The following PTPN9 variants were observed in gnomAD, a reference collection of about 807,000 sequenced individuals.
PTPN9 encodes the protein protein tyrosine phosphatase non-receptor type 9.
Under a neutral mutation model 69.8 loss-of-function variants are expected in PTPN9, and 26 were observed. The observed-to-expected ratio is 0.37, with a 90% CI of 0.27 to 0.52. The LOEUF is 0.52. Among genes scored for constraint, PTPN9 ranks in the 20% least tolerant of loss-of-function variants. The pLI, the probability that PTPN9 is intolerant of heterozygous loss-of-function variation, is 0.91. For missense variants in PTPN9, 549 were observed against 740.3 expected, an observed-to-expected ratio of 0.74 and a Z score of 3.00; for synonymous variants, 274 against 272.5, an observed-to-expected ratio of 1.01 and a Z score of -0.05.
chr15:75,571,480 G>A (rs2075148163), intron 1 of PTPN9, among the ~76,000 whole-genome samples: 1 of 152,130 alleles, frequency 6.6e-6, no homozygotes, highest in Admixed American at 6.6e-5. Context: ...TTTTCAGGCT[G>A]GGCGTGGTGG....
At chr15:75,504,807 C>A (rs1595955764) in intron 7 of PTPN9, among the ~76,000 whole-genome samples, 1 of 138,684 alleles carries the variant, frequency 7.2e-6, no homozygotes. Flanking sequence ...GTGGGGGGGT[C>A]AGCCCCCCGC....
chr15:75,468,370 G>A lies in PTPN9; in HGVS notation c.*399C>T, dbSNP rs2074546304. On this transcript the variant is annotated 3_prime_UTR_variant, in exon 13 of 13. Coordinates refer to ENST00000618819, the MANE Select transcript of PTPN9 (RefSeq NM_002833.4). ...AAGCTCTCTGGGGAGAAAGGCAAAT[G>A]CTCATCAAACCTCCCCATAAAATCC... 5.6e-6 allele frequency: 1 copy of A among 177,296 alleles called. No individual in the cohort carries two copies. The highest frequency in any genetic ancestry group is 1.4e-4 in the South Asian group (1 of 7,222). 11.0% of individuals were successfully genotyped at this position (177,296 alleles called of 1,614,324 possible). A position where few individuals can be genotyped will look rare whatever the true frequency, so the allele number is the denominator to read the frequency against.
At chr15:75,539,085 C>A (rs1048467046) in intron 1 of PTPN9, among the ~76,000 whole-genome samples, 1 of 152,044 alleles carries the variant, frequency 6.6e-6, no homozygotes, top group African/African-American at 2.4e-5. Flanking sequence ...CTATAAGCAA[C>A]CTTTAAAAAA....
chr15:75,563,681 G>C (rs4886716), intron 1 of PTPN9, among the ~76,000 whole-genome samples: 49,829 of 151,868 alleles, frequency 0.33, 9,148 homozygotes, highest in African/African-American at 0.48. Context: ...AACATATTTT[G>C]AACCCTCCAA....
intron 1 of PTPN9, among the ~76,000 whole-genome samples, chr15:75,575,035 G>A (rs1337219488): frequency 6.1e-5 from 1 of 16,276 alleles, no homozygotes; most frequent in Non-Finnish European, 9.6e-5. Flanking sequence ...CTCTGTCGGC[G>A]GGATCTCGGC....
At chr15:75,503,253 A>C (rs2074784752) in intron 7 of PTPN9, among the ~76,000 whole-genome samples, 2 of 132,300 alleles carry the variant, frequency 1.5e-5, no homozygotes, top group South Asian at 2.6e-4. Flanking sequence ...CCGGCCGCCC[A>C]TCGTCTGAGA....
intron 9 of PTPN9, among the ~76,000 whole-genome samples, chr15:75,477,452 A>T (rs1394291013): frequency 6.6e-6 from 1 of 152,066 alleles, no homozygotes; most frequent in African/African-American, 2.4e-5. Flanking sequence ...AAAATTAGCC[A>T]GGCATGGTGG....
chr15:75,571,135 C>G (rs1197245626), intron 1 of PTPN9, among the ~76,000 whole-genome samples: 1 of 151,934 alleles, frequency 6.6e-6, no homozygotes, highest in East Asian at 1.9e-4. Flanking sequence ...TGGCGGGCAC[C>G]TGTAATCCCA....
intron 1 of PTPN9, among the ~76,000 whole-genome samples, chr15:75,543,263 G>A (rs544179003): frequency 6.6e-6 from 1 of 151,986 alleles, no homozygotes; most frequent in Non-Finnish European, 1.5e-5. Context: ...GCAAAGTCCT[G>A]CAAGAAATCA....
intron 8 of PTPN9, among the ~76,000 whole-genome samples, 186 bp from the exon 9 acceptor site, chr15:75,480,100 C>T (rs1436846565): frequency 6.6e-6 from 1 of 152,034 alleles, no homozygotes; most frequent in Non-Finnish European, 1.5e-5. Flanking sequence ...TAGATATCTA[C>T]ATGCATAAAA....
rs143362545 is a variant in PTPN9, at chr15:75,511,115, G to A, written c.529-2088C>T. ...CCACATTTTTCTTATCTATTAATCC[G>A]TTGATGGACATTTGGGTTGTTTCCA... On this transcript the variant is annotated intron_variant, in intron 5 of 12. Coordinates refer to ENST00000618819, the MANE Select transcript of PTPN9 (RefSeq NM_002833.4). Among the ~76,000 whole-genome samples, 554 of 152,196 alleles carry A rather than the reference G, an allele frequency of 3.6e-3. 5 individuals carry two copies. Among genetic ancestry groups the A allele is most frequent in the Non-Finnish European group, 6.0e-3 (407 of 68,010 alleles).
intron 1 of PTPN9, among the ~76,000 whole-genome samples, chr15:75,538,139 G>A (rs1485932925): frequency 1.3e-5 from 2 of 152,036 alleles, no homozygotes; most frequent in Non-Finnish European, 2.9e-5. Flanking sequence ...AGGCTTCTCC[G>A]AGGAATGTAA....
intron 1 of PTPN9, among the ~76,000 whole-genome samples, chr15:75,536,784 C>G (rs894367944): frequency 6.6e-6 from 1 of 151,928 alleles, no homozygotes; most frequent in African/African-American, 2.4e-5. Context: ...GTTTGGTTCC[C>G]CTCTCCCACC....
At chr15:75,531,386 G>A (rs1237471855) in intron 1 of PTPN9, among the ~76,000 whole-genome samples, 3 of 152,114 alleles carry the variant, frequency 2.0e-5, no homozygotes, top group African/African-American at 7.2e-5. Flanking sequence ...GAGTCCCAGA[G>A]AAGACAACAG....
intron 7 of PTPN9, among the ~76,000 whole-genome samples, chr15:75,504,219 G>GC (rs1221362491): frequency 8.3e-6 from 1 of 120,706 alleles, no homozygotes; most frequent in African/African-American, 3.2e-5. Flanking sequence ...GGGGGGGTCA[G>GC]CCCCCCGCCC....
chr15:75,519,479 A>G (rs2074891292), intron 4 of PTPN9, among the ~76,000 whole-genome samples: 1 of 152,048 alleles, frequency 6.6e-6, no homozygotes, highest in African/African-American at 2.4e-5. Context: ...CCCTTTAACA[A>G]ATTCCAAGGC....
At position 75,578,930 on chromosome 15, in the gene PTPN9, A is replaced by G; in HGVS notation, c.-154T>C. The G allele has an allele frequency of 5.8e-6, 2 of 346,212 alleles. No individual in the cohort carries two copies. Among genetic ancestry groups the G allele is most frequent in the Non-Finnish European group, 9.7e-6 (2 of 205,366 alleles). 21.4% of individuals were successfully genotyped at this position (346,212 alleles called of 1,614,324 possible). On this transcript the variant is annotated 5_prime_UTR_variant, in exon 1 of 13. Coordinates refer to ENST00000618819, the MANE Select transcript of PTPN9 (RefSeq NM_002833.4). ...GGGCCCGGCGCCTGCAGCGGCCGCA[A>G]ACGCCGCTTCTGCTTCCTTAAGAAA...
intron 7 of PTPN9, among the ~76,000 whole-genome samples, chr15:75,502,798 A>T (rs958527679): frequency 3.9e-5 from 6 of 152,202 alleles, no homozygotes; most frequent in Non-Finnish European, 7.3e-5. Flanking sequence ...ACTGGAATAG[A>T]GAGTAGCCTA....
chr15:75,556,611 C>G (rs1595969562), intron 1 of PTPN9, among the ~76,000 whole-genome samples: 1 of 152,064 alleles, frequency 6.6e-6, no homozygotes, highest in East Asian at 1.9e-4. Context: ...CTCCTGAGCT[C>G]AAGTGATCCA....
Sources: allele counts gnomAD v4.1 joint callset (sites outside exome capture counted in the v4.1 genomes callset), GRCh38; gene constraint gnomAD v4.1.1; transcripts MANE v1.5; gene names NCBI Gene and HGNC (gene_info 2026-07-23, HGNC 2026-07-21).